SYNJ2: variants seen among roughly 807,000 people sequenced by gnomAD.
The protein encoded by SYNJ2 is synaptojanin 2.
Under a neutral mutation model 141.3 loss-of-function variants are expected in SYNJ2, and 116 were observed. The observed-to-expected ratio is 0.82, with a 90% CI of 0.71 to 0.96. SYNJ2 has a LOEUF of 0.96. SYNJ2 is among the 40% of genes least tolerant of loss of function. SYNJ2 has a pLI of 0.00. For missense variants in SYNJ2, 1,873 were observed against 1,934.8 expected (o/e 0.97, Z 0.60); for synonymous variants, 745 against 777.7 (o/e 0.96, Z 0.70).
intron 1 of SYNJ2, among the ~76,000 whole-genome samples, chr6:158,012,849 G>T (rs1456643971): frequency 6.6e-6 from 1 of 152,154 alleles, no homozygotes; most frequent in Admixed American, 6.5e-5. Flanking sequence ...TGCCAGCAGA[G>T]TCTGCTTAGT....
At chr6:158,030,524 C>T (rs1779304292) in intron 3 of SYNJ2, 1 of 152,664 alleles carries the variant, frequency 6.6e-6, no homozygotes, top group Non-Finnish European at 1.5e-5. Context: ...CCAACGCTCC[C>T]CACCCCCACA....
intron 1 of SYNJ2, among the ~76,000 whole-genome samples, chr6:158,014,520 T>C (rs1778376369): frequency 6.6e-6 from 1 of 152,246 alleles, no homozygotes; most frequent in African/African-American, 2.4e-5. Context: ...CTGTGAATAA[T>C]GGGAATTGGG....
At chr6:157,983,282 T>C (rs73792022) in intron 1 of SYNJ2, among the ~76,000 whole-genome samples, 4,266 of 152,336 alleles carry the variant, frequency 0.028, 201 homozygotes, top group African/African-American at 0.097. Flanking sequence ...ACTGAAACAA[T>C]GTCTCCAGTA....
Position 158,081,437 on chromosome 6 carries a change from A to G in SYNJ2, c.2792A>G (p.Asn931Ser). The G allele has an allele frequency of 6.2e-7, 1 of 1,613,820 alleles. No homozygotes were observed. The highest frequency in any genetic ancestry group is 8.5e-7 in the Non-Finnish European group (1 of 1,179,948). The change falls in exon 20 of 27, where the codon AAC becomes AGC. Residue 931 changes from asparagine (N) to serine (S), a missense_variant. Physicochemically the swap from Asn to Ser is conservative, Grantham distance 46 (BLOSUM62 1). Transcript: ENST00000355585. ...TGGAGTATCATTTATTCCAGGATCA[A>G]CCAAGGGCAGATGCTGGTAACTTTT... The part of the protein sequence containing the change: ...SYGTIVLVRI[N>S]QGQMLVTFAD...
chr6:158,064,357 C>T lies in SYNJ2; in HGVS notation c.1210-244C>T, dbSNP rs572566719. On this transcript the variant is annotated intron_variant, in intron 9 of 26. Coordinates refer to ENST00000355585, the MANE Select transcript of SYNJ2 (RefSeq NM_003898.4). ...GCCTCTGGCATTGGGTGGGGCGGGGCGGGGTGCAGGGGCGTTCAAGTGTCA... is the reference window on the plus strand; with the variant it reads ...GCCTCTGGCATTGGGTGGGGCGGGGTGGGGTGCAGGGGCGTTCAAGTGTCA... Among the ~76,000 whole-genome samples, 5 of 51,162 alleles carry T rather than the reference C, an allele frequency of 9.8e-5. No homozygotes were observed. In the Admixed American group the frequency reaches 1.0e-3, roughly 10 times the overall value. The allele number at this position is 51,162 out of a possible 152,430, so 33.6% of individuals were successfully genotyped here. A position where few individuals can be genotyped will look rare whatever the true frequency, so the allele number is the denominator to read the frequency against.
At chr6:158,093,170 T>A in intron 26 of SYNJ2, 66 bp downstream of exon 26, 1 of 1,524,802 alleles carries the variant, frequency 6.6e-7, no homozygotes, top group Non-Finnish European at 8.8e-7. Context: ...AGATAAGAAT[T>A]GTGGCCTGTA....
chr6:158,028,620 A>G (rs58505024), intron 2 of SYNJ2, 136 bp from the exon 3 acceptor site: 2 of 1,175,662 alleles, frequency 1.7e-6, no homozygotes, highest in Admixed American at 4.5e-5. Flanking sequence ...GAGTTGGGCA[A>G]TGCCATGGGA....
rs1241145845 is a variant in SYNJ2 at position 158,087,070 on chromosome 6, G to A, written c.3343+81G>A. 6.7e-6 allele frequency: 10 copies of A among 1,501,290 alleles called. No individual in the cohort carries two copies. The Admixed American group carries it at 1.5e-4, about 22-fold the overall frequency. 93.0% of individuals were successfully genotyped at this position (1,501,290 alleles called of 1,614,324 possible). A position where few individuals can be genotyped will look rare whatever the true frequency, so the allele number is the denominator to read the frequency against. ...TCCCTGCTACTGAAAACACGGCTCC[G>A]AATCCACTTCTCCCCGGCCTTCCGG... is the stretch of plus-strand genomic sequence containing the variant. On this transcript the variant is annotated intron_variant, in intron 23 of 26. Transcript: ENST00000355585.
intron 4 of SYNJ2, among the ~76,000 whole-genome samples, chr6:158,042,915 T>C (rs1480219790): frequency 1.3e-5 from 2 of 152,220 alleles, no homozygotes; most frequent in African/African-American, 2.4e-5. Flanking sequence ...TCTCTTCTGC[T>C]TAGCTATTTG....
intron 4 of SYNJ2, among the ~76,000 whole-genome samples, chr6:158,034,078 A>G (rs898916058): frequency 6.6e-6 from 1 of 152,164 alleles, no homozygotes; most frequent in Non-Finnish European, 1.5e-5. Flanking sequence ...AGAAGAAACC[A>G]TTATTTTTTA....
At chr6:158,032,339 A>T (rs144496631) in intron 3 of SYNJ2, among the ~76,000 whole-genome samples, 1 of 152,358 alleles carries the variant, frequency 6.6e-6, no homozygotes, top group East Asian at 1.9e-4. Flanking sequence ...GGAAGGCTCA[A>T]GGGCAGGAAT....
chr6:158,094,141 G>C, intron 26 of SYNJ2: 1 of 632,342 alleles, frequency 1.6e-6, no homozygotes, highest in Non-Finnish European at 2.8e-6. Flanking sequence ...TATTTCCTGG[G>C]TTGCTCTTCT....
At chr6:157,989,993 C>T (rs539956691) in intron 1 of SYNJ2, among the ~76,000 whole-genome samples, 3 of 152,330 alleles carry the variant, frequency 2.0e-5, no homozygotes, top group Non-Finnish European at 2.9e-5. Flanking sequence ...AGCCTCGGAG[C>T]GTGAGTCTGG....
At position 158,070,769 on chromosome 6, in the gene SYNJ2, T is replaced by C. The variant is rs1482470426; in HGVS notation, c.1941-833T>C. On this transcript the variant is annotated intron_variant, in intron 14 of 26. Transcript: ENST00000355585. This position sits in a 1 kb window ranked among gnomAD's most constrained non-coding sequence, Gnocchi z 4.0. ...AATGTGCTTGCAGCCCATGTTTCTA[T>C]GGACTCGTATGCGTCATAAGTGGGC... is the stretch of plus-strand genomic sequence containing the variant. Among the ~76,000 whole-genome samples the C allele has an allele frequency of 2.0e-5, 3 of 152,204 alleles. No individual in the cohort carries two copies. Among genetic ancestry groups the C allele is most frequent in the Non-Finnish European group, 4.4e-5 (3 of 68,050 alleles).
At chr6:158,088,222 G>T (rs1289878848) in intron 23 of SYNJ2, among the ~76,000 whole-genome samples, 1 of 151,204 alleles carries the variant, frequency 6.6e-6, no homozygotes, top group Non-Finnish European at 1.5e-5. Flanking sequence ...CATCAGGCTT[G>T]GCTATTTTTA....
intron 20 of SYNJ2, among the ~76,000 whole-genome samples, chr6:158,082,929 G>T (rs1339730560): frequency 1.6e-5 from 2 of 124,122 alleles, no homozygotes; most frequent in African/African-American, 6.8e-5. Context: ...AGCTGGAGAT[G>T]AGAGTTCAAC....
intron 1 of SYNJ2, among the ~76,000 whole-genome samples, chr6:157,990,686 G>A (rs1431310970): frequency 6.6e-6 from 1 of 152,196 alleles, no homozygotes; most frequent in African/African-American, 2.4e-5. Flanking sequence ...GGTGAGCACG[G>A]GCTCCCGTGC....
At chr6:157,983,581 A>G (rs964559015) in intron 1 of SYNJ2, among the ~76,000 whole-genome samples, 2 of 152,254 alleles carry the variant, frequency 1.3e-5, no homozygotes, top group African/African-American at 2.4e-5. Context: ...TCTTTGAAGC[A>G]GCTTAGAAAA....
chr6:157,998,919 G>A (rs1475031621), intron 1 of SYNJ2, among the ~76,000 whole-genome samples: 3 of 152,146 alleles, frequency 2.0e-5, no homozygotes, highest in African/African-American at 7.2e-5. Context: ...TTCCCCCTGT[G>A]TCCGAATGAT....
Sources: gnomAD v4.1 joint callset for allele counts (sites outside exome capture counted in the v4.1 genomes callset) on GRCh38, gnomAD v4.1.1 for gene constraint, Gnocchi (gnomAD v3.1) non-coding constraint, MANE v1.5 for transcripts, NCBI Gene and HGNC (gene_info 2026-07-23, HGNC 2026-07-21) for gene names.